The following PHLPP1 variants were observed in gnomAD, a reference collection of about 807,000 sequenced individuals.
The protein encoded by PHLPP1 is PH domain leucine-rich repeat-containing protein phosphatase 1.
PHLPP1 carries 42 observed loss-of-function variants against 117.2 expected under a neutral mutation model. The observed-to-expected ratio is 0.36, with a 90% CI of 0.28 to 0.46. The LOEUF is 0.46. Ranked by LOEUF, PHLPP1 falls within the 20% of genes least tolerant of loss-of-function variation. The pLI, the probability that PHLPP1 is intolerant of heterozygous loss-of-function variation, is 1.00. For missense variants in PHLPP1, 2,084 were observed against 2,241.9 expected (o/e 0.93, Z 1.42); for synonymous variants, 1,042 against 970.7 (o/e 1.07, Z -1.37).
intron 4 of PHLPP1, among the ~76,000 whole-genome samples, chr18:62,885,949 T>G (rs1317581680): frequency 1.3e-5 from 2 of 152,164 alleles, no homozygotes; most frequent in African/African-American, 4.8e-5. Context: ...ATTGCTCTAT[T>G]CTCTCAATAG....
Position 62,979,428 on chromosome 18 carries a change from A to G in PHLPP1, c.5151A>G (p.Leu1717=), listed in dbSNP as rs1324104038. Residue 1717 remains leucine, a synonymous_variant, in exon 17 of 17, where the codon CTA becomes CTG. Coordinates refer to ENST00000262719, the MANE Select transcript of PHLPP1 (RefSeq NM_194449.4). ...TGCCAGATTATTACGACACGCCACT[A>G]TGACCCAGCCGAGCTGTTTAACAAA... ...DQLPDYYDTP[L] The G allele has an allele frequency of 4.5e-6, 7 of 1,550,780 alleles. No individual in the cohort carries two copies. In the Middle Eastern group the frequency reaches 5.0e-4, roughly 111 times the overall value.
intron 1 of PHLPP1, among the ~76,000 whole-genome samples, chr18:62,810,910 G>C (rs1914094861): frequency 6.6e-6 from 1 of 152,190 alleles, no homozygotes. Context: ...TAAAACCTCA[G>C]AATGTGACCT....
At chr18:62,819,306 A>G (rs1868978186) in intron 1 of PHLPP1, among the ~76,000 whole-genome samples, 1 of 152,252 alleles carries the variant, frequency 6.6e-6, no homozygotes, top group African/African-American at 2.4e-5. Flanking sequence ...ATGAAGTGGT[A>G]TAATATTACT....
intron 13 of PHLPP1, among the ~76,000 whole-genome samples, chr18:62,960,506 C>CA (rs1483485113): frequency 8.6e-5 from 13 of 151,802 alleles, no homozygotes; most frequent in Middle Eastern, 3.4e-3. Context: ...AAGAGAAATA[C>CA]AAAAAATAAA....
intron 1 of PHLPP1, among the ~76,000 whole-genome samples, chr18:62,819,146 C>CA (rs1914373616): frequency 6.6e-6 from 1 of 152,046 alleles, no homozygotes; most frequent in Non-Finnish European, 1.5e-5. Flanking sequence ...TGTAAGGAAA[C>CA]AAACAAATGG....
At chr18:62,940,477 G>A (rs1910100431) in intron 10 of PHLPP1, among the ~76,000 whole-genome samples, 1 of 140,396 alleles carries the variant, frequency 7.1e-6, no homozygotes, top group Admixed American at 7.8e-5. Flanking sequence ...CCATTCTCCT[G>A]CCTCAGCCTC....
chr18:62,824,696 T>G (rs1040042358), intron 1 of PHLPP1, among the ~76,000 whole-genome samples: 1 of 152,130 alleles, frequency 6.6e-6, no homozygotes, highest in African/African-American at 2.4e-5. Flanking sequence ...AGAAAGCATT[T>G]TGCAAAAACA....
intron 1 of PHLPP1, among the ~76,000 whole-genome samples, chr18:62,751,119 A>G (rs1247264488): frequency 1.3e-5 from 2 of 152,138 alleles, no homozygotes; most frequent in East Asian, 3.8e-4. Flanking sequence ...GTGAATCTTG[A>G]ATTGATTCTT....
At chr18:62,750,407 A>G (rs1002856869) in intron 1 of PHLPP1, among the ~76,000 whole-genome samples, 3 of 151,994 alleles carry the variant, frequency 2.0e-5, no homozygotes, top group South Asian at 2.1e-4. Flanking sequence ...TACAGACACA[A>G]TAGGGCACCT....
At chr18:62,841,074 G>A (rs1041224456) in intron 3 of PHLPP1, among the ~76,000 whole-genome samples, 2 of 152,130 alleles carry the variant, frequency 1.3e-5, no homozygotes, top group South Asian at 2.1e-4. Flanking sequence ...TTTTAGTAGA[G>A]ATGGGGTTTC....
intron 10 of PHLPP1, among the ~76,000 whole-genome samples, chr18:62,939,212 C>T (rs1163157445): frequency 6.6e-6 from 1 of 151,830 alleles, no homozygotes; most frequent in Non-Finnish European, 1.5e-5. Flanking sequence ...AGGCTGGTCT[C>T]GAACTCCTGA....
chr18:62,725,669 C>G (rs1911048807), intron 1 of PHLPP1, among the ~76,000 whole-genome samples: 1 of 152,144 alleles, frequency 6.6e-6, no homozygotes, highest in Non-Finnish European at 1.5e-5. Flanking sequence ...ATATCCTGCT[C>G]TCATTAGCAA....
chr18:62,901,626 T>C (rs1321069777), intron 6 of PHLPP1, among the ~76,000 whole-genome samples: 1 of 116,190 alleles, frequency 8.6e-6, no homozygotes. Flanking sequence ...TACTCCTTTT[T>C]TCTTTTTTTT....
chr18:62,870,644 A>G (rs1229684182), intron 4 of PHLPP1, among the ~76,000 whole-genome samples: 1 of 152,246 alleles, frequency 6.6e-6, no homozygotes, highest in African/African-American at 2.4e-5. Context: ...TTAAAGTACA[A>G]TATAATTATA....
chr18:62,807,198 A>G (rs1344447909), intron 1 of PHLPP1, among the ~76,000 whole-genome samples: 1 of 152,064 alleles, frequency 6.6e-6, no homozygotes, highest in East Asian at 1.9e-4. Flanking sequence ...AGAAACTCTC[A>G]CATCTTCTTT....
intron 3 of PHLPP1, among the ~76,000 whole-genome samples, chr18:62,850,882 G>C (rs185389549): frequency 6.6e-6 from 1 of 152,188 alleles, no homozygotes; most frequent in African/African-American, 2.4e-5. Context: ...CTGTGAATAC[G>C]TGGCTCATTT....
intron 4 of PHLPP1, among the ~76,000 whole-genome samples, chr18:62,894,109 A>T (rs1177183032): frequency 6.6e-6 from 1 of 152,216 alleles, no homozygotes; most frequent in African/African-American, 2.4e-5. Flanking sequence ...AAAGGAAGGT[A>T]ATACATGAGA....
intron 7 of PHLPP1, 72 bp from the exon 8 acceptor site, chr18:62,905,152 T>G (rs1916814214): frequency 2.4e-6 from 2 of 824,916 alleles, no homozygotes; most frequent in Non-Finnish European, 3.5e-6. Flanking sequence ...GTAATGACGT[T>G]CCACATACAA....
intron 4 of PHLPP1, among the ~76,000 whole-genome samples, chr18:62,871,607 C>T (rs1915904797): frequency 6.7e-6 from 1 of 149,364 alleles, no homozygotes; most frequent in Non-Finnish European, 1.5e-5. Context: ...GGATTACAGG[C>T]GTGAGTCACC....
Sources: allele counts gnomAD v4.1 joint callset (sites outside exome capture counted in the v4.1 genomes callset), GRCh38; gene constraint gnomAD v4.1.1; transcripts MANE v1.5; gene names NCBI Gene and HGNC (gene_info 2026-07-23, HGNC 2026-07-21).